AHCYL2: variants seen among roughly 807,000 people sequenced by gnomAD.
AHCYL2 encodes the protein S-adenosylhomocysteine hydrolase-like protein 2.
AHCYL2 carries 28 observed loss-of-function variants against 81.4 expected under a neutral mutation model. The ratio of observed to expected loss-of-function variants is 0.34; its 90% CI spans 0.25 to 0.47. The LOEUF is 0.47. Ranked by LOEUF, AHCYL2 falls within the 20% of genes least tolerant of loss-of-function variation. AHCYL2 has a pLI of 1.00. For synonymous variants in AHCYL2, 272 were observed against 290.2 expected, an observed-to-expected ratio of 0.94 and a Z score of 0.64; for missense variants, 551 against 785.1, an observed-to-expected ratio of 0.70 and a Z score of 3.56.
intron 12 of AHCYL2, among the ~76,000 whole-genome samples, chr7:129,420,743 C>T (rs189458545): frequency 7.2e-4 from 109 of 152,140 alleles, no homozygotes; most frequent in Non-Finnish European, 1.2e-3. Context: ...ACCTTGGCCT[C>T]CCAAAGTGTT....
chr7:129,289,869 G>A (rs1332772678), intron 1 of AHCYL2, among the ~76,000 whole-genome samples: 3 of 151,160 alleles, frequency 2.0e-5, no homozygotes, highest in East Asian at 2.0e-4. Context: ...TGCAACCTCC[G>A]CCTCTAGGGT....
chr7:129,308,846 A>T (rs1041642219), intron 1 of AHCYL2, among the ~76,000 whole-genome samples: 2 of 152,224 alleles, frequency 1.3e-5, no homozygotes, highest in African/African-American at 2.4e-5. Context: ...TGGATCATTC[A>T]TTATAATTTC....
intron 1 of AHCYL2, among the ~76,000 whole-genome samples, chr7:129,303,984 G>A (rs1797338776): frequency 6.6e-6 from 1 of 152,158 alleles, no homozygotes; most frequent in Non-Finnish European, 1.5e-5. Context: ...CTACTCAGGA[G>A]GCTGAGGCGC....
chr7:129,303,821 A>G (rs1339584563), intron 1 of AHCYL2, among the ~76,000 whole-genome samples: 2 of 152,160 alleles, frequency 1.3e-5, no homozygotes, highest in Non-Finnish European at 2.9e-5. Context: ...GTGGTGGCTC[A>G]CACCTGTAAT....
At chr7:129,295,130 G>A (rs949116735) in intron 1 of AHCYL2, among the ~76,000 whole-genome samples, 1 of 152,196 alleles carries the variant, frequency 6.6e-6, no homozygotes, top group Non-Finnish European at 1.5e-5. Flanking sequence ...TTGAAAAATG[G>A]CACAGGAGTT....
intron 1 of AHCYL2, among the ~76,000 whole-genome samples, chr7:129,371,984 G>T (rs947920098): frequency 6.6e-6 from 1 of 152,166 alleles, no homozygotes; most frequent in African/African-American, 2.4e-5. Context: ...GAGGTAGCTT[G>T]ACTATCACTC....
intron 1 of AHCYL2, among the ~76,000 whole-genome samples, chr7:129,374,944 C>T (rs1471560858): frequency 6.7e-6 from 1 of 149,680 alleles, no homozygotes; most frequent in African/African-American, 2.5e-5. Context: ...GTGTAGCTTT[C>T]TTCCTCACTA....
At chr7:129,329,364 G>A (rs909541981) in intron 1 of AHCYL2, among the ~76,000 whole-genome samples, 3 of 151,728 alleles carry the variant, frequency 2.0e-5, no homozygotes, top group South Asian at 2.1e-4. Context: ...TTTATTTTTT[G>A]TACAAATAAG....
intron 1 of AHCYL2, among the ~76,000 whole-genome samples, chr7:129,324,422 C>T (rs1798146343): frequency 6.6e-6 from 1 of 152,024 alleles, no homozygotes; most frequent in East Asian, 1.9e-4. Flanking sequence ...TCTATTTTTC[C>T]CACCTCTTCT....
At chr7:129,272,467 G>T (rs1278700917) in intron 1 of AHCYL2, among the ~76,000 whole-genome samples, 1 of 152,186 alleles carries the variant, frequency 6.6e-6, no homozygotes, top group Non-Finnish European at 1.5e-5. Context: ...TTGGTACCTT[G>T]AAATAAGGTG....
intron 1 of AHCYL2, among the ~76,000 whole-genome samples, chr7:129,270,671 A>T (rs1406828189): frequency 6.6e-6 from 1 of 152,224 alleles, no homozygotes; most frequent in Admixed American, 6.5e-5. Flanking sequence ...TAAGAGACTT[A>T]GTTTTAACAA....
intron 1 of AHCYL2, among the ~76,000 whole-genome samples, chr7:129,308,871 G>A (rs1238367283): frequency 2.6e-5 from 4 of 152,180 alleles, no homozygotes; most frequent in African/African-American, 9.7e-5. Context: ...TGATGTCACT[G>A]TGGTCATGTG....
Position 129,226,817 on chromosome 7 carries a change from AAAAGT to A in AHCYL2, c.363+1387_363+1391del, listed in dbSNP as rs530959632. Reference sequence around the variant, plus strand: ...TCCTGCAGAAATGGGTTTAAAGAAAAAAAGTAAAGTAAAAAAGAGAGGCAGCAGCA... The same window carrying A: ...TCCTGCAGAAATGGGTTTAAAGAAAAAAAGTAAAAAAGAGAGGCAGCAGCA... On this transcript the variant is annotated intron_variant, in intron 1 of 16. Coordinates refer to ENST00000325006, the MANE Select transcript of AHCYL2 (RefSeq NM_015328.4). Among the ~76,000 whole-genome samples, 95 of 152,352 alleles carry A rather than the reference AAAAGT, an allele frequency of 6.2e-4. 1 individual carries two copies. Among genetic ancestry groups the A allele is most frequent in the Non-Finnish European group, 1.1e-3 (74 of 68,042 alleles).
chr7:129,264,096 A>ACT (rs1795734120), intron 1 of AHCYL2, among the ~76,000 whole-genome samples: 1 of 152,166 alleles, frequency 6.6e-6, no homozygotes, highest in Non-Finnish European at 1.5e-5. Context: ...ATCTCGGCTC[A>ACT]CTGCAAGCTC....
At chr7:129,394,857 G>A (rs1795649735) in intron 4 of AHCYL2, among the ~76,000 whole-genome samples, 1 of 151,644 alleles carries the variant, frequency 6.6e-6, no homozygotes, top group African/African-American at 2.4e-5. Flanking sequence ...GTCCAGCCTG[G>A]GCAATATAGC....
intron 1 of AHCYL2, among the ~76,000 whole-genome samples, chr7:129,255,831 G>T (rs576811114): frequency 6.6e-6 from 1 of 152,278 alleles, no homozygotes; most frequent in East Asian, 1.9e-4. Flanking sequence ...GCTGGGCCTC[G>T]TGGGAGGCAC....
intron 1 of AHCYL2, among the ~76,000 whole-genome samples, chr7:129,354,091 G>A (rs912942587): frequency 1.3e-5 from 2 of 152,102 alleles, no homozygotes; most frequent in African/African-American, 2.4e-5. Flanking sequence ...AATAGATTGA[G>A]GACTGAATGG....
chr7:129,336,892 G>T (rs922602641), intron 1 of AHCYL2, among the ~76,000 whole-genome samples: 2 of 152,066 alleles, frequency 1.3e-5, no homozygotes, highest in African/African-American at 4.8e-5. Flanking sequence ...GACTGCAAGC[G>T]CAAGCCACCG....
At chr7:129,383,956 T>G (rs1032566007) in intron 2 of AHCYL2, among the ~76,000 whole-genome samples, 1 of 152,166 alleles carries the variant, frequency 6.6e-6, no homozygotes, top group Non-Finnish European at 1.5e-5. Context: ...ATGTGTTGTA[T>G]TCTAGAAAAT....
Sources: allele counts gnomAD v4.1 joint callset (sites outside exome capture counted in the v4.1 genomes callset), GRCh38; gene constraint gnomAD v4.1.1; transcripts MANE v1.5; gene names NCBI Gene and HGNC (gene_info 2026-07-23, HGNC 2026-07-21).